DDX10: variants seen among roughly 807,000 people sequenced by gnomAD.
DDX10 encodes probable ATP-dependent RNA helicase DDX10.
Under a neutral mutation model 104.3 loss-of-function variants are expected in DDX10, and 74 were observed. That is an observed-to-expected ratio of 0.71 (90% CI 0.59 to 0.86). The LOEUF is 0.86. Among genes scored for constraint, DDX10 ranks in the 40% least tolerant of loss-of-function variants. DDX10 has a pLI of 0.00. For synonymous variants in DDX10, 351 were observed against 353.4 expected, an observed-to-expected ratio of 0.99 and a Z score of 0.08; for missense variants, 952 against 1,040.0, an observed-to-expected ratio of 0.92 and a Z score of 1.16.
At chr11:108,935,252 A>G (rs922955833) in intron 17 of DDX10, among the ~76,000 whole-genome samples, 6 of 152,168 alleles carry the variant, frequency 3.9e-5, no homozygotes, top group Non-Finnish European at 7.3e-5. Flanking sequence ...CAGAAAAGGG[A>G]ATTCCAGATG....
At chr11:108,839,840 G>A (rs1353122092) in intron 14 of DDX10, among the ~76,000 whole-genome samples, 1 of 152,204 alleles carries the variant, frequency 6.6e-6, no homozygotes, top group Non-Finnish European at 1.5e-5. Context: ...TATGACATCT[G>A]ATGTTCACTG....
At position 108,844,079 on chromosome 11, in the gene DDX10, C is replaced by T. The variant is rs144013342; in HGVS notation, c.2247+2603C>T. On this transcript the variant is annotated intron_variant, in intron 15 of 17. Coordinates refer to ENST00000322536, the MANE Select transcript of DDX10 (RefSeq NM_004398.4). ...GTTGAACAGAACAGTTTTGGGCTGA[C>T]GAAGTTGTGAGAGAAATCACTTGAA... is the stretch of plus-strand genomic sequence containing the variant. 5.6e-3 allele frequency among the ~76,000 whole-genome samples: 847 copies of T among 152,108 alleles called. 5 individuals carry two copies. Among genetic ancestry groups the T allele is most frequent in the African/African-American group, 0.019 (803 of 41,490 alleles).
chr11:108,754,995 A>G (rs1466542657), intron 13 of DDX10, among the ~76,000 whole-genome samples: 2 of 152,032 alleles, frequency 1.3e-5, no homozygotes, highest in East Asian at 1.9e-4. Context: ...TGTTGGCTGA[A>G]TGTCATGACC....
intron 13 of DDX10, among the ~76,000 whole-genome samples, chr11:108,757,219 G>T (rs1031025623): frequency 4.6e-5 from 7 of 151,872 alleles, no homozygotes; most frequent in Admixed American, 4.6e-4. Context: ...CTCTCTCTCT[G>T]CAAGAAATGT....
chr11:108,905,555 G>C (rs970649825), intron 16 of DDX10, among the ~76,000 whole-genome samples: 1 of 152,132 alleles, frequency 6.6e-6, no homozygotes, highest in Admixed American at 6.5e-5. Context: ...CAAAGATGCA[G>C]TGTAGTTTCA....
intron 15 of DDX10, 45 bp downstream of exon 15, chr11:108,841,521 C>G: frequency 9.1e-6 from 14 of 1,538,644 alleles, no homozygotes; most frequent in Non-Finnish European, 1.2e-5. Context: ...ATTTAGTGTC[C>G]CGAAGTATAT....
At chr11:108,852,450 T>C (rs568655392) in intron 16 of DDX10, among the ~76,000 whole-genome samples, 1 of 152,344 alleles carries the variant, frequency 6.6e-6, no homozygotes, top group African/African-American at 2.4e-5. Flanking sequence ...CCTAAGATAA[T>C]TTGTTACTGG....
chr11:108,861,146 A>G (rs1298498476), intron 16 of DDX10, among the ~76,000 whole-genome samples: 2 of 151,410 alleles, frequency 1.3e-5, no homozygotes, highest in Non-Finnish European at 2.9e-5. Flanking sequence ...GCCAGCGAAT[A>G]TAAAGCAGGC....
At chr11:108,829,235 C>G (rs1305317742) in intron 13 of DDX10, among the ~76,000 whole-genome samples, 1 of 152,170 alleles carries the variant, frequency 6.6e-6, no homozygotes, top group Non-Finnish European at 1.5e-5. Context: ...AAAGTGTTCT[C>G]TTTTCACTGC....
At chr11:108,678,459 T>TAA (rs761312942) in intron 5 of DDX10, 24 bp downstream of exon 5, 159 of 1,190,136 alleles carry the variant, frequency 1.3e-4, no homozygotes, top group South Asian at 3.9e-4. Flanking sequence ...ATTTCTAATT[T>TAA]AAAAAAAAAA....
chr11:108,912,760 G>C (rs1048478133), intron 16 of DDX10, among the ~76,000 whole-genome samples: 3 of 152,170 alleles, frequency 2.0e-5, no homozygotes, highest in Non-Finnish European at 4.4e-5. Flanking sequence ...TCATCCCTCT[G>C]CTCATGTGAG....
intron 1 of DDX10, among the ~76,000 whole-genome samples, chr11:108,672,181 C>T (rs1031507091): frequency 6.6e-6 from 1 of 150,998 alleles, no homozygotes; most frequent in African/African-American, 2.4e-5. Context: ...GGTTAACTGA[C>T]TTTAGGAAGA....
At chr11:108,752,321 C>T (rs974138094) in intron 13 of DDX10, among the ~76,000 whole-genome samples, 2 of 152,056 alleles carry the variant, frequency 1.3e-5, no homozygotes, top group African/African-American at 2.4e-5. Context: ...CAAATGGTGT[C>T]CTAGTGCATC....
chr11:108,895,010 C>G (rs1469770448), intron 16 of DDX10, among the ~76,000 whole-genome samples: 1 of 151,816 alleles, frequency 6.6e-6, no homozygotes, highest in African/African-American at 2.4e-5. Context: ...ATCATAACTA[C>G]TTTGGACAAT....
intron 17 of DDX10, 131 bp downstream of exon 17, chr11:108,918,149 G>C: frequency 1.1e-6 from 1 of 881,582 alleles, no homozygotes; most frequent in East Asian, 2.5e-5. Flanking sequence ...CCTTTACTTA[G>C]ATTCCTGGAA....
At chr11:108,932,653 C>T (rs1032464628) in intron 17 of DDX10, among the ~76,000 whole-genome samples, 1 of 151,942 alleles carries the variant, frequency 6.6e-6, no homozygotes, top group African/African-American at 2.4e-5. Flanking sequence ...AATCTTCATC[C>T]ACTTTGTTTC....
At chr11:108,928,766 G>A (rs956771723) in intron 17 of DDX10, among the ~76,000 whole-genome samples, 4 of 152,164 alleles carry the variant, frequency 2.6e-5, no homozygotes, top group African/African-American at 9.7e-5. Flanking sequence ...ATTGAATAGG[G>A]TCATTAATGT....
intron 13 of DDX10, 40 bp downstream of exon 13, chr11:108,723,502 C>G: frequency 5.2e-6 from 8 of 1,551,838 alleles, no homozygotes; most frequent in Non-Finnish European, 7.0e-6. Context: ...ATTACATTGT[C>G]TTACTATGTG....
At position 108,754,164 on chromosome 11, in the gene DDX10, G is replaced by A. The variant is rs118181358; in HGVS notation, c.1965+30702G>A. ...ATTTGATTCTGCTGTGTTGTCGGAA[G>A]TGAATCGTTTAGCTGAATGATTCAT... On this transcript the variant is annotated intron_variant, in intron 13 of 17. Coordinates refer to ENST00000322536, the MANE Select transcript of DDX10 (RefSeq NM_004398.4). Among the ~76,000 whole-genome samples the A allele has an allele frequency of 6.3e-3, 955 of 152,160 alleles. 3 individuals are homozygous for A. Among genetic ancestry groups the A allele is most frequent in the Non-Finnish European group, 0.011 (724 of 67,956 alleles).
Sources: gnomAD v4.1 joint callset for allele counts (sites outside exome capture counted in the v4.1 genomes callset) on GRCh38, gnomAD v4.1.1 for gene constraint, MANE v1.5 for transcripts, NCBI Gene and HGNC (gene_info 2026-07-23, HGNC 2026-07-21) for gene names.